The following SEMA3D variants were observed in gnomAD, a reference collection of about 807,000 sequenced individuals.
SEMA3D encodes the protein semaphorin-3D.
SEMA3D carries 84 observed loss-of-function variants against 100.1 expected under a neutral mutation model. The observed-to-expected ratio is 0.84, with a 90% confidence interval of 0.70 to 1.01. The LOEUF is 1.01. SEMA3D is among the 50% of genes least tolerant of loss of function. The probability of loss-of-function intolerance (pLI) is 0.00; values close to 1 mark genes in which losing one functional copy is unlikely to be tolerated. For missense variants in SEMA3D, 875 were observed against 934.1 expected, an observed-to-expected ratio of 0.94 and a Z score of 0.82; for synonymous variants, 312 against 320.7, an observed-to-expected ratio of 0.97 and a Z score of 0.29.
chr7:85,003,504 A>C (rs1229585271), intron 18 of SEMA3D, among the ~76,000 whole-genome samples: 4 of 152,022 alleles, frequency 2.6e-5, no homozygotes, highest in African/African-American at 9.7e-5. Context: ...ATAACAGGTG[A>C]GATATCACAG....
rs1288210941 is a variant in SEMA3D, at chr7:85,068,231, A to G, written c.549T>C (p.Cys183=). ...THNLESGRLK[C]PFDPQQPFAS... ...CAAAAGGCTGCTGAGGATCGAAAGG[A>G]CATTTCAGTCTGCCAGACTCCAAAT... The change falls in exon 7 of 19, where the codon TGT becomes TGC. Residue 183 remains cysteine, a synonymous_variant. Coordinates refer to ENST00000284136, the MANE Select transcript of SEMA3D (RefSeq NM_001384900.1). 1.9e-6 allele frequency: 3 copies of G among 1,609,536 alleles called. No homozygotes were observed. Among genetic ancestry groups the G allele is most frequent in the Non-Finnish European group, 1.7e-6 (2 of 1,176,050 alleles).
the SEMA3D span, among the ~76,000 whole-genome samples, chr7:85,242,856 C>G: frequency 6.6e-6 from 1 of 152,014 alleles, no homozygotes; most frequent in East Asian, 1.9e-4. Flanking sequence ...AAAAATGAAA[C>G]AAAACCTGAT....
intron 13 of SEMA3D, among the ~76,000 whole-genome samples, chr7:85,021,120 G>A (rs377590148): frequency 4.6e-5 from 7 of 151,572 alleles, no homozygotes; most frequent in Non-Finnish European, 8.9e-5. Flanking sequence ...GTATAGTAAC[G>A]TATATAATAA....
intron 13 of SEMA3D, 37 bp downstream of exon 13, chr7:85,022,354 T>C (rs1481040137): frequency 1.4e-6 from 2 of 1,441,312 alleles, no homozygotes; most frequent in African/African-American, 1.4e-5. Context: ...TAATGAAAAA[T>C]TCCTTTTGAA....
At chr7:85,145,118 T>C (rs1361000315) in intron 2 of SEMA3D, among the ~76,000 whole-genome samples, 1 of 152,168 alleles carries the variant, frequency 6.6e-6, no homozygotes, top group Non-Finnish European at 1.5e-5. Flanking sequence ...TTAAACTCTT[T>C]CTGGAATGAT....
chr7:85,207,397 T>G, the SEMA3D span, among the ~76,000 whole-genome samples: 3 of 152,042 alleles, frequency 2.0e-5, no homozygotes, highest in South Asian at 4.1e-4. Context: ...TAATAAATAC[T>G]TAATAACATC....
intron 2 of SEMA3D, chr7:85,141,718 T>C: frequency 5.5e-6 from 5 of 901,672 alleles, no homozygotes; most frequent in Non-Finnish European, 5.3e-6. Flanking sequence ...ATTTAGTATC[T>C]AATAATGTTT....
chr7:85,226,582 T>C, the SEMA3D span, among the ~76,000 whole-genome samples: 2 of 152,180 alleles, frequency 1.3e-5, no homozygotes. Flanking sequence ...GTGGTACTTG[T>C]GGTAACAACA....
chr7:85,075,564 T>C (rs1356453130), intron 5 of SEMA3D, among the ~76,000 whole-genome samples: 2 of 152,138 alleles, frequency 1.3e-5, no homozygotes, highest in African/African-American at 4.8e-5. Flanking sequence ...CTCAGATTAA[T>C]TTATGAAATT....
At chr7:85,086,218 C>T (rs1417476298) in intron 4 of SEMA3D, among the ~76,000 whole-genome samples, 2 of 152,040 alleles carry the variant, frequency 1.3e-5, no homozygotes, top group African/African-American at 2.4e-5. Flanking sequence ...AGACTCTAAA[C>T]ATTTACTTAG....
the SEMA3D span, among the ~76,000 whole-genome samples, chr7:85,218,529 A>T: frequency 2.0e-5 from 3 of 152,106 alleles, no homozygotes; most frequent in Non-Finnish European, 4.4e-5. Context: ...TTGACTTTAC[A>T]TTACAATGTG....
At chr7:85,022,263 G>A (rs1790275395) in intron 13 of SEMA3D, 128 bp downstream of exon 13, 1 of 648,156 alleles carries the variant, frequency 1.5e-6, no homozygotes, top group Non-Finnish European at 2.7e-6. Context: ...TTTAAGAAAT[G>A]CTGACAAGGT....
Position 85,133,879 on chromosome 7 carries a change from G to A in SEMA3D, c.-40-11948C>T, listed in dbSNP as rs1424306644. Among the ~76,000 whole-genome samples the A allele has an allele frequency of 3.3e-5, 5 of 151,958 alleles. No homozygotes were observed. In the South Asian group the frequency reaches 6.2e-4, roughly 19 times the overall value. ...TAGCTCTAACAAATGTTAGCTTAATGGTCTTCCATTTTTACATGGACTATG... is the reference window on the plus strand; with the variant it reads ...TAGCTCTAACAAATGTTAGCTTAATAGTCTTCCATTTTTACATGGACTATG... On this transcript the variant is annotated intron_variant, in intron 2 of 18. Coordinates refer to ENST00000284136, the MANE Select transcript of SEMA3D (RefSeq NM_001384900.1).
chr7:85,085,293 A>C (rs2116253957), intron 4 of SEMA3D, among the ~76,000 whole-genome samples: 1 of 152,304 alleles, frequency 6.6e-6, no homozygotes, highest in Non-Finnish European at 1.5e-5. Context: ...AGTCTTAAAA[A>C]GGATAAAGGC....
the SEMA3D span, among the ~76,000 whole-genome samples, chr7:85,235,486 G>A: frequency 6.6e-6 from 1 of 152,040 alleles, no homozygotes. Flanking sequence ...CTTATCAACT[G>A]AATTATTATT....
At chr7:85,152,727 A>G (rs2116494867) in intron 2 of SEMA3D, among the ~76,000 whole-genome samples, 1 of 152,302 alleles carries the variant, frequency 6.6e-6, no homozygotes, top group South Asian at 2.1e-4. Flanking sequence ...GAAAACAAAT[A>G]AAAACATGTA....
the SEMA3D span, among the ~76,000 whole-genome samples, chr7:85,207,894 AT>A: frequency 6.6e-6 from 1 of 152,088 alleles, no homozygotes; most frequent in Non-Finnish European, 1.5e-5. Context: ...GAAAAAAATC[AT>A]TTAATACATT....
chr7:85,150,389 CAT>C, intron 2 of SEMA3D, among the ~76,000 whole-genome samples: 1 of 137,010 alleles, frequency 7.3e-6, no homozygotes, highest in African/African-American at 2.7e-5. Flanking sequence ...TACACACACA[CAT>C]ATATTTACAG....
the SEMA3D span, among the ~76,000 whole-genome samples, chr7:85,201,854 T>C: frequency 3.9e-5 from 6 of 151,944 alleles, no homozygotes; most frequent in South Asian, 1.3e-3. Flanking sequence ...GCTTCCTGAG[T>C]AGCTGGGACT....
Sources: gnomAD v4.1 joint callset for allele counts (sites outside exome capture counted in the v4.1 genomes callset) on GRCh38, gnomAD v4.1.1 for gene constraint, MANE v1.5 for transcripts, NCBI Gene and HGNC (gene_info 2026-07-23, HGNC 2026-07-21) for gene names.